Variants in PSMF1 observed in about 807,000 individuals in gnomAD.
PSMF1 encodes proteasome inhibitor subunit 1, also known as proteasome inhibitor PI31 subunit.
Under a neutral mutation model 29.3 loss-of-function variants are expected in PSMF1, and 30 were observed. The observed-to-expected ratio is 1.02, with a 90% CI of 0.77 to 1.39. The LOEUF is 1.39. Ranked by LOEUF, PSMF1 falls within the 40% of genes most tolerant of loss-of-function variation. The pLI, the probability that PSMF1 is intolerant of heterozygous loss-of-function variation, is 0.00. For missense variants in PSMF1, 344 were observed against 357.5 expected (o/e 0.96, Z 0.31); for synonymous variants, 134 against 139.7 (o/e 0.96, Z 0.29).
At position 1,170,109 on chromosome 20, in the gene PSMF1, G is replaced by C. The variant is rs2086775181; in HGVS notation, c.*5029G>C. On this transcript the variant is annotated 3_prime_UTR_variant, in exon 7 of 7. Coordinates refer to ENST00000335877, the MANE Select transcript of PSMF1 (RefSeq NM_006814.5). Reference sequence around the variant, plus strand: ...TGCAAGTTTGAGAACTGAGAAGGGAGGGGAAGACCTACCTCCTTGTTACTC... The same window carrying C: ...TGCAAGTTTGAGAACTGAGAAGGGACGGGAAGACCTACCTCCTTGTTACTC... 6.6e-6 allele frequency among the ~76,000 whole-genome samples: 1 copy of C among 152,170 alleles called. No individual in the cohort carries two copies. Among genetic ancestry groups the C allele is most frequent in the Non-Finnish European group, 1.5e-5 (1 of 68,042 alleles).
chr20:1,159,200 T>G (rs994197103), intron 4 of PSMF1, among the ~76,000 whole-genome samples: 2 of 152,150 alleles, frequency 1.3e-5, no homozygotes, highest in Admixed American at 6.5e-5. Context: ...TTTTAAAAAT[T>G]TTTTATATTT....
intron 3 of PSMF1, chr20:1,134,857 C>A: frequency 1.9e-6 from 1 of 537,818 alleles, no homozygotes; most frequent in South Asian, 1.9e-5. Flanking sequence ...GCCCCTACAC[C>A]CTCACCTCTT....
At chr20:1,159,194 A>T (rs1230181629) in intron 4 of PSMF1, among the ~76,000 whole-genome samples, 3 of 152,114 alleles carry the variant, frequency 2.0e-5, no homozygotes, top group Non-Finnish European at 4.4e-5. Flanking sequence ...GTACCTTTTT[A>T]AAAATTTTTT....
chr20:1,138,074 A>G (rs2086330292), intron 4 of PSMF1, among the ~76,000 whole-genome samples: 1 of 152,220 alleles, frequency 6.6e-6, no homozygotes, highest in Non-Finnish European at 1.5e-5. Flanking sequence ...AGGAGTTTTT[A>G]TTAATACCAG....
At chr20:1,134,737 T>C (rs1356194337) in intron 3 of PSMF1, 1 of 320,198 alleles carries the variant, frequency 3.1e-6, no homozygotes, top group Non-Finnish European at 6.1e-6. Flanking sequence ...ATCCTCCCCA[T>C]GGAGCCTTTG....
chr20:1,125,279 A>G (rs2086139720), intron 1 of PSMF1, among the ~76,000 whole-genome samples: 1 of 152,188 alleles, frequency 6.6e-6, no homozygotes, highest in Non-Finnish European at 1.5e-5. Context: ...TGTGTCAGAA[A>G]GGTAGCTCAA....
rs1175739935 is a variant in PSMF1 at position 1,165,317 on chromosome 20, C to G, written c.*237C>G. ...CAGTGTGTCTCTTTCACCATCAGCT[C>G]CTCCCCTTTCACCACCAGCTCCTCT... On this transcript the variant is annotated 3_prime_UTR_variant, in exon 7 of 7. Transcript: ENST00000335877. 7.2e-7 allele frequency: 1 copy of G among 1,396,934 alleles called. No homozygotes were observed. Among genetic ancestry groups the G allele is most frequent in the Non-Finnish European group, 9.3e-7 (1 of 1,078,500 alleles). 86.5% of individuals were successfully genotyped at this position (1,396,934 alleles called of 1,614,324 possible). A position where few individuals can be genotyped will look rare whatever the true frequency, so the allele number is the denominator to read the frequency against.
intron 3 of PSMF1, among the ~76,000 whole-genome samples, chr20:1,134,308 A>C (rs1304097156): frequency 6.6e-6 from 1 of 151,964 alleles, no homozygotes; most frequent in African/African-American, 2.4e-5. Flanking sequence ...TCAGTGCTAT[A>C]TATTTCTTTT....
intron 4 of PSMF1, among the ~76,000 whole-genome samples, chr20:1,151,408 T>C (rs1015057337): frequency 6.6e-6 from 1 of 152,240 alleles, no homozygotes; most frequent in African/African-American, 2.4e-5. Flanking sequence ...TACACTTTTG[T>C]AAGCATTCTC....
At position 1,164,619 on chromosome 20, in the gene PSMF1, G is replaced by C. The variant is rs2086706505; in HGVS notation, c.764+143G>C. Reference sequence around the variant, plus strand: ...GCCAGGAGAGTGGAGCCTCCTCCAGGGCCCTGCCTGATTTCTCCCTGGAGC... The same window carrying C: ...GCCAGGAGAGTGGAGCCTCCTCCAGCGCCCTGCCTGATTTCTCCCTGGAGC... On this transcript the variant is annotated intron_variant, in intron 6 of 6. Coordinates refer to ENST00000335877, the MANE Select transcript of PSMF1 (RefSeq NM_006814.5). This position sits in a 1 kb window ranked among gnomAD's most constrained non-coding sequence, Gnocchi z 4.1. The C allele has an allele frequency of 8.7e-7, 1 of 1,144,238 alleles. No homozygotes were observed. Among genetic ancestry groups the C allele is most frequent in the African/African-American group, 1.6e-5 (1 of 64,210 alleles). The allele number at this position is 1,144,238 out of a possible 1,614,324, so 70.9% of individuals were successfully genotyped here. A position where few individuals can be genotyped will look rare whatever the true frequency, so the allele number is the denominator to read the frequency against.
intron 4 of PSMF1, among the ~76,000 whole-genome samples, chr20:1,137,331 T>C (rs911692480): frequency 6.6e-6 from 1 of 152,220 alleles, no homozygotes; most frequent in Admixed American, 6.5e-5. Flanking sequence ...GATAAAACTA[T>C]TAAGTAAAGG....
intron 1 of PSMF1, among the ~76,000 whole-genome samples, chr20:1,121,680 A>G (rs1037215699): frequency 2.6e-5 from 4 of 152,154 alleles, no homozygotes; most frequent in Non-Finnish European, 4.4e-5. Context: ...ATGCTTGACT[A>G]TACAAGTTGA....
At chr20:1,115,548 C>A (rs2086003070), upstream of PSMF1, among the ~76,000 whole-genome samples, 2 of 152,172 alleles carry the variant, frequency 1.3e-5, no homozygotes, top group Non-Finnish European at 2.9e-5. Context: ...CTGTCCCATG[C>A]CCACCCCTTG....
At chr20:1,128,889 T>A (rs2086194164) in intron 3 of PSMF1, among the ~76,000 whole-genome samples, 1 of 151,618 alleles carries the variant, frequency 6.6e-6, no homozygotes, top group South Asian at 2.1e-4. Context: ...TTTGTTTTGT[T>A]TTTTGAGACG....
chr20:1,142,016 G>A lies in PSMF1; in HGVS notation c.551+6710G>A, dbSNP rs1460737913. Among the ~76,000 whole-genome samples the A allele has an allele frequency of 9.2e-5, 14 of 152,164 alleles. No individual in the cohort carries two copies. The East Asian group carries it at 1.4e-3, about 15-fold the overall frequency. On this transcript the variant is annotated intron_variant, in intron 4 of 6. Transcript: ENST00000335877. ...GCAGATTACCTGAGGTCAGGAGTTCGAGACCAGCCTGGCCAACCAACATGG... is the reference window on the plus strand; with the variant it reads ...GCAGATTACCTGAGGTCAGGAGTTCAAGACCAGCCTGGCCAACCAACATGG...
At chr20:1,135,013 T>C (rs2122508464) in intron 3 of PSMF1, 108 bp from the exon 4 acceptor site, 7 of 1,106,988 alleles carry the variant, frequency 6.3e-6, no homozygotes, top group Non-Finnish European at 9.5e-6. Context: ...CCAAGCGCAA[T>C]GCCAGGAGCT....
At chr20:1,149,312 C>T in intron 4 of PSMF1, among the ~76,000 whole-genome samples, 1 of 152,212 alleles carries the variant, frequency 6.6e-6, no homozygotes, top group Non-Finnish European at 1.5e-5. Context: ...TGTTATATAT[C>T]TGTTACATCA....
chr20:1,122,362 C>T (rs1424362479), intron 1 of PSMF1, among the ~76,000 whole-genome samples: 1 of 148,206 alleles, frequency 6.7e-6, no homozygotes, highest in African/African-American at 2.5e-5. Flanking sequence ...TGCAGTGGTG[C>T]TATCTTGGCT....
At chr20:1,159,729 C>G (rs1250539463) in intron 4 of PSMF1, among the ~76,000 whole-genome samples, 1 of 152,174 alleles carries the variant, frequency 6.6e-6, no homozygotes, top group Non-Finnish European at 1.5e-5. Flanking sequence ...ACTTTGACTG[C>G]TAGCTCCATG....
Sources: allele counts gnomAD v4.1 joint callset (sites outside exome capture counted in the v4.1 genomes callset), GRCh38; gene constraint gnomAD v4.1.1; non-coding constraint Gnocchi (gnomAD v3.1); transcripts MANE v1.5; gene names NCBI Gene and HGNC (gene_info 2026-07-23, HGNC 2026-07-21).